The following CFAP47 variants were observed in gnomAD, a reference collection of about 807,000 sequenced individuals.
The protein encoded by CFAP47 is cilia- and flagella-associated protein 47.
Under a neutral mutation model 148.1 loss-of-function variants are expected in CFAP47, and 29 were observed. The ratio of observed to expected loss-of-function variants is 0.20; its 90% CI spans 0.15 to 0.27. The LOEUF is 0.27. Among genes scored for constraint, CFAP47 ranks in the 10% least tolerant of loss-of-function variants. The pLI is 1.00. For missense variants in CFAP47, 1,872 were observed against 1,697.5 expected, an observed-to-expected ratio of 1.10 and a Z score of -1.81; for synonymous variants, 664 against 577.3, an observed-to-expected ratio of 1.15 and a Z score of -2.15.
intron 27 of CFAP47, among the ~76,000 whole-genome samples, chrX:36,069,197 A>G (rs1601958788): frequency 9.0e-6 from 1 of 110,909 alleles, no homozygotes; most frequent in South Asian, 3.8e-4. Context: ...TGTACATGAC[A>G]GAACAGTAAT....
At chrX:36,244,690 G>A (rs782244695) in intron 48 of CFAP47, among the ~76,000 whole-genome samples, 1 of 111,133 alleles carries the variant, frequency 9.0e-6, no homozygotes, top group East Asian at 2.8e-4. Context: ...AGAATGTGAA[G>A]ACCTGAACAG....
intron 51 of CFAP47, among the ~76,000 whole-genome samples, chrX:36,295,605 T>C (rs1456013779): frequency 8.9e-6 from 1 of 112,258 alleles, no homozygotes; most frequent in Non-Finnish European, 1.9e-5. Flanking sequence ...AAATGATGGA[T>C]AACATAAGTT....
At position 36,236,776 on chromosome X, in the gene CFAP47, A is replaced by G. The variant is rs1940473125; in HGVS notation, c.7249A>G (p.Ile2417Val). 1 of 521,792 alleles carries G rather than the reference A, an allele frequency of 1.9e-6. No homozygotes were observed. Among genetic ancestry groups the G allele is most frequent in the Admixed American group, 2.7e-5 (1 of 37,059 alleles). 43.0% of individuals were successfully genotyped at this position (521,792 alleles called of 1,213,427 possible). ...GAAAAAACCTTCGGCCTTGGAACACATCACTGTGGAATGTCAAGTGGGGAA... is the reference window on the plus strand; with the variant it reads ...GAAAAAACCTTCGGCCTTGGAACACGTCACTGTGGAATGTCAAGTGGGGAA... Reference protein sequence around the residue: ...VGKKPSALEHITVECQVGNVT... With the variant: ...VGKKPSALEHVTVECQVGNVT... Residue 2417 changes from isoleucine to valine, a missense_variant, in exon 48 of 64, where the codon ATC becomes GTC. Ile to Val is a conservative substitution (Grantham distance 29). Transcript: ENST00000378653.
intron 37 of CFAP47, among the ~76,000 whole-genome samples, chrX:36,151,679 G>A (rs1198468175): frequency 9.0e-6 from 1 of 110,570 alleles, no homozygotes; most frequent in South Asian, 3.8e-4. Context: ...ATGTGTGTGT[G>A]TGTCTGTCTG....
intron 15 of CFAP47, among the ~76,000 whole-genome samples, chrX:35,988,272 C>G (rs1936744334): frequency 9.0e-6 from 1 of 111,252 alleles, no homozygotes; most frequent in Non-Finnish European, 1.9e-5. Context: ...ACCTAATCCA[C>G]TGAAGCAGGA....
At chrX:36,206,346 A>G (rs1393412000) in intron 45 of CFAP47, among the ~76,000 whole-genome samples, 1 of 111,585 alleles carries the variant, frequency 9.0e-6, no homozygotes, top group Non-Finnish European at 1.9e-5. Context: ...AGATAACTGG[A>G]TAAAGCTGCA....
chrX:36,335,269 C>T (rs1941595899), intron 57 of CFAP47, among the ~76,000 whole-genome samples: 1 of 110,970 alleles, frequency 9.0e-6, no homozygotes, highest in African/African-American at 3.3e-5. Context: ...CTCTCACATC[C>T]CCCAATCAAC....
At chrX:36,154,596 T>C (rs749321826) in intron 37 of CFAP47, among the ~76,000 whole-genome samples, 22 of 112,404 alleles carry the variant, frequency 2.0e-4, no homozygotes, top group Non-Finnish European at 3.8e-4. Context: ...TCTCTACAGC[T>C]TTATTCTTTT....
chrX:36,268,119 GCCT>G (rs1350845837), intron 49 of CFAP47, among the ~76,000 whole-genome samples: 1 of 113,196 alleles, frequency 8.8e-6, no homozygotes. Flanking sequence ...GGCATTTTCT[GCCT>G]TTACATAAGA....
chrX:35,931,624 T>C (rs939878095), intron 2 of CFAP47, among the ~76,000 whole-genome samples: 1 of 111,853 alleles, frequency 8.9e-6, no homozygotes, highest in Non-Finnish European at 1.9e-5. Context: ...TGCATTCCTG[T>C]AGGTTAATTG....
chrX:36,147,810 A>C (rs1569273485), intron 36 of CFAP47, among the ~76,000 whole-genome samples: 1 of 112,183 alleles, frequency 8.9e-6, no homozygotes, highest in Non-Finnish European at 1.9e-5. Context: ...CTATAACCAT[A>C]CCTACTGCTA....
chrX:36,373,818 G>A (rs182838443), intron 62 of CFAP47, among the ~76,000 whole-genome samples: 6 of 111,987 alleles, frequency 5.4e-5, no homozygotes, highest in African/African-American at 9.7e-5. Context: ...TTCAGCATCC[G>A]TTGGGATGAT....
At chrX:36,199,700 A>C (rs1555987703) in intron 42 of CFAP47, among the ~76,000 whole-genome samples, 1 of 111,504 alleles carries the variant, frequency 9.0e-6, no homozygotes, top group African/African-American at 3.3e-5. Flanking sequence ...ATAGAGTATG[A>C]GTTATGGTTT....
At chrX:36,183,378 C>A (rs1939772595) in intron 40 of CFAP47, among the ~76,000 whole-genome samples, 1 of 111,490 alleles carries the variant, frequency 9.0e-6, no homozygotes, top group South Asian at 3.8e-4. Context: ...AGTGTACCCT[C>A]CACCATGATA....
intron 26 of CFAP47, among the ~76,000 whole-genome samples, chrX:36,047,339 G>T (rs780846890): frequency 1.5e-4 from 17 of 111,462 alleles, no homozygotes; most frequent in Admixed American, 2.9e-4. Flanking sequence ...ATGAAATGGA[G>T]CTAATAGCAG....
chrX:36,124,972 C>A (rs949440197), intron 33 of CFAP47, among the ~76,000 whole-genome samples: 6 of 111,108 alleles, frequency 5.4e-5, no homozygotes, highest in African/African-American at 2.0e-4. Context: ...ATGAGAGTGA[C>A]ATTTCAAAAT....
At chrX:36,327,585 C>T (rs1941528231) in intron 57 of CFAP47, among the ~76,000 whole-genome samples, 1 of 111,388 alleles carries the variant, frequency 9.0e-6, no homozygotes, top group African/African-American at 3.3e-5. Context: ...TAAAACAGAG[C>T]GTCCATTTGA....
chrX:35,975,399 C>A, intron 14 of CFAP47, 36 bp downstream of exon 14: 2 of 883,198 alleles, frequency 2.3e-6, no homozygotes, highest in Non-Finnish European at 3.3e-6. Context: ...TTGTTAGAAT[C>A]AAAGTGTACT....
chrX:36,144,351 T>G (rs763017396), intron 35 of CFAP47, among the ~76,000 whole-genome samples: 4 of 112,508 alleles, frequency 3.6e-5, no homozygotes, highest in Non-Finnish European at 5.6e-5. Flanking sequence ...CAAGCTCTTC[T>G]GATTCAGAGC....
Sources: allele counts gnomAD v4.1 joint callset (sites outside exome capture counted in the v4.1 genomes callset), GRCh38; gene constraint gnomAD v4.1.1; transcripts MANE v1.5; gene names NCBI Gene and HGNC (gene_info 2026-07-23, HGNC 2026-07-21).